MAF: variants seen among roughly 807,000 people sequenced by gnomAD.
MAF encodes the protein MAF bZIP transcription factor.
MAF carries 10 observed loss-of-function variants against 22.0 expected under a neutral mutation model. The ratio of observed to expected loss-of-function variants is 0.45; its 90% CI spans 0.28 to 0.77. The LOEUF is 0.77. MAF is among the 30% of genes least tolerant of loss of function. The probability of loss-of-function intolerance (pLI) is 0.12; values close to 1 mark genes in which losing one functional copy is unlikely to be tolerated. For missense variants in MAF, 544 were observed against 548.4 expected (o/e 0.99, Z 0.08); for synonymous variants, 337 against 255.8 (o/e 1.32, Z -3.03).
the MAF span, among the ~76,000 whole-genome samples, chr16:79,344,600 C>G: frequency 6.6e-6 from 1 of 152,170 alleles, no homozygotes; most frequent in Admixed American, 6.5e-5. Context: ...AGAGGAGGCT[C>G]TTGGAAACTG....
chr16:79,588,400 A>T (rs186633529), intron 1 of MAF, among the ~76,000 whole-genome samples: 1 of 152,052 alleles, frequency 6.6e-6, no homozygotes, highest in Non-Finnish European at 1.5e-5. Flanking sequence ...TTTTTATTTC[A>T]TAAAGTGGGA....
the MAF span, among the ~76,000 whole-genome samples, chr16:79,462,752 A>G: frequency 6.6e-6 from 1 of 152,164 alleles, no homozygotes; most frequent in African/African-American, 2.4e-5. Flanking sequence ...TTGGACCTAT[A>G]CCTACACATA....
the MAF span, among the ~76,000 whole-genome samples, chr16:79,390,596 C>A: frequency 6.6e-6 from 1 of 152,164 alleles, no homozygotes; most frequent in Non-Finnish European, 1.5e-5. Context: ...TTATGAAAAA[C>A]CCGGCTTGGA....
the MAF span, among the ~76,000 whole-genome samples, chr16:79,214,093 C>G: frequency 1.8e-4 from 28 of 152,282 alleles, no homozygotes; most frequent in Middle Eastern, 6.8e-3. Context: ...TTCTTCCTCA[C>G]TGATTTTTAG....
chr16:79,356,360 G>T, the MAF span, among the ~76,000 whole-genome samples: 1,397 of 152,302 alleles, frequency 9.2e-3, 23 homozygotes, highest in African/African-American at 0.032. Context: ...CGGGTGTCAT[G>T]ATGCAGTCTG....
the MAF span, chr16:79,203,837 C>G: frequency 6.6e-6 from 1 of 151,254 alleles, no homozygotes; most frequent in Admixed American, 6.6e-5. Context: ...ATGGCGAATA[C>G]AGATGCATAC....
chr16:79,540,863 G>GA, the MAF span, among the ~76,000 whole-genome samples: 543 of 152,152 alleles, frequency 3.6e-3, 5 homozygotes, highest in African/African-American at 0.013. Context: ...GGCATCTGCA[G>GA]TGCACAATCT....
chr16:79,454,556 T>C, the MAF span, among the ~76,000 whole-genome samples: 1 of 152,166 alleles, frequency 6.6e-6, no homozygotes, highest in Non-Finnish European at 1.5e-5. Flanking sequence ...CAAAGAATTA[T>C]CCCTTCCTAC....
chr16:79,545,133 A>G, the MAF span, among the ~76,000 whole-genome samples: 1 of 152,172 alleles, frequency 6.6e-6, no homozygotes, highest in Non-Finnish European at 1.5e-5. Flanking sequence ...AGATGATCTC[A>G]GAATCTTTCC....
chr16:79,498,829 CT>C, the MAF span, among the ~76,000 whole-genome samples: 2 of 152,188 alleles, frequency 1.3e-5, no homozygotes, highest in Non-Finnish European at 2.9e-5. Context: ...TGGTAATTTA[CT>C]TATTCATTTT....
the MAF span, among the ~76,000 whole-genome samples, chr16:79,338,252 C>T: frequency 2.0e-4 from 30 of 152,208 alleles, no homozygotes; most frequent in Admixed American, 8.5e-4. Context: ...CAAGAAATTG[C>T]GTGAGGTCTG....
the MAF span, among the ~76,000 whole-genome samples, chr16:79,547,901 T>TGA: frequency 3.6e-5 from 5 of 137,374 alleles, no homozygotes; most frequent in East Asian, 4.3e-4. Context: ...TGTGTGTGTG[T>TGA]GAGAGAGAGA....
At chr16:79,578,483 G>C in the MAF span, among the ~76,000 whole-genome samples, 1 of 151,988 alleles carries the variant, frequency 6.6e-6, no homozygotes, top group Admixed American at 6.6e-5. Context: ...TTATTATGTA[G>C]TGCTTTGTTT....
At chr16:79,416,806 C>T in the MAF span, among the ~76,000 whole-genome samples, 7 of 152,256 alleles carry the variant, frequency 4.6e-5, no homozygotes, top group South Asian at 4.1e-4. Context: ...TTGGGGAAGC[C>T]GCTGTGTTGT....
chr16:79,576,044 C>A, the MAF span, among the ~76,000 whole-genome samples: 1 of 151,910 alleles, frequency 6.6e-6, no homozygotes, highest in African/African-American at 2.4e-5. Flanking sequence ...GGAATAATGA[C>A]CTTTACCCCA....
chr16:79,523,651 C>G, the MAF span, among the ~76,000 whole-genome samples: 1 of 152,198 alleles, frequency 6.6e-6, no homozygotes, highest in Non-Finnish European at 1.5e-5. Context: ...ATTCTGGAGA[C>G]AGTGGTCACA....
chr16:79,565,441 T>C, the MAF span, among the ~76,000 whole-genome samples: 4 of 152,026 alleles, frequency 2.6e-5, no homozygotes, highest in African/African-American at 9.7e-5. Context: ...CTCAGTGATA[T>C]GGTTTCGCTG....
At chr16:79,535,055 AC>A in the MAF span, among the ~76,000 whole-genome samples, 1 of 152,258 alleles carries the variant, frequency 6.6e-6, no homozygotes, top group South Asian at 2.1e-4. Flanking sequence ...CTTTGGTGAA[AC>A]CTTCATTGAC....
the MAF span, among the ~76,000 whole-genome samples, chr16:79,397,371 G>C: frequency 6.6e-6 from 1 of 152,176 alleles, no homozygotes; most frequent in Non-Finnish European, 1.5e-5. Context: ...GTCTTACTCT[G>C]TGTTTATCTG....
Sources: allele counts gnomAD v4.1 joint callset (sites outside exome capture counted in the v4.1 genomes callset), GRCh38; gene constraint gnomAD v4.1.1; transcripts MANE v1.5; gene names NCBI Gene and HGNC (gene_info 2026-07-23, HGNC 2026-07-21).